The following WASF3 variants were observed in gnomAD, a reference collection of about 807,000 sequenced individuals.
WASF3 encodes the protein WASP family member 3.
Under a neutral mutation model 46.6 loss-of-function variants are expected in WASF3, and 11 were observed. The ratio of observed to expected loss-of-function variants is 0.24; its 90% CI spans 0.15 to 0.39. The LOEUF (loss-of-function observed/expected upper bound fraction) is 0.39. Ranked by LOEUF, WASF3 falls within the 10% of genes least tolerant of loss-of-function variation. WASF3 has a pLI of 1.00. For missense variants in WASF3, 576 were observed against 669.8 expected, an observed-to-expected ratio of 0.86 and a Z score of 1.55; for synonymous variants, 242 against 259.7, an observed-to-expected ratio of 0.93 and a Z score of 0.65.
chr13:26,575,226 C>T (rs1236136723), intron 1 of WASF3, among the ~76,000 whole-genome samples: 1 of 152,172 alleles, frequency 6.6e-6, no homozygotes, highest in Non-Finnish European at 1.5e-5. Context: ...ACGATACAAT[C>T]ACCTATGATT....
At chr13:26,685,037 A>G (rs1465671757) in intron 9 of WASF3, among the ~76,000 whole-genome samples, 1 of 151,388 alleles carries the variant, frequency 6.6e-6, no homozygotes, top group East Asian at 1.9e-4. Context: ...GCAGTGAGCC[A>G]TGATCGTAAC....
chr13:26,595,925 T>A (rs2137192033), intron 1 of WASF3, among the ~76,000 whole-genome samples: 1 of 152,370 alleles, frequency 6.6e-6, no homozygotes, highest in Non-Finnish European at 1.5e-5. Flanking sequence ...TCTGCTATTT[T>A]GCTATTATGA....
chr13:26,620,129 G>C (rs1026408299), intron 2 of WASF3, among the ~76,000 whole-genome samples: 3 of 152,066 alleles, frequency 2.0e-5, no homozygotes, highest in Non-Finnish European at 4.4e-5. Context: ...AGTTATGCTA[G>C]ATCTCCAAGG....
At chr13:26,597,883 G>C (rs1880523099) in intron 1 of WASF3, among the ~76,000 whole-genome samples, 1 of 152,170 alleles carries the variant, frequency 6.6e-6, no homozygotes, top group Non-Finnish European at 1.5e-5. Flanking sequence ...CATTTGGCCT[G>C]GTTCCAAGTC....
At chr13:26,669,206 C>CTTTTTTTTTTTTTTTTTTTT (rs71080286) in intron 5 of WASF3, among the ~76,000 whole-genome samples, 1 of 65,320 alleles carries the variant, frequency 1.5e-5, no homozygotes, top group Non-Finnish European at 2.8e-5. Context: ...ATATCTTTGA[C>CTTTTTTTTTTTTTTTTTTTT]TTTTTTTTTT....
At position 26,601,658 on chromosome 13, in the gene WASF3, A is replaced by T. The variant is rs142357873; in HGVS notation, c.-108-11303A>T. 9.5e-4 allele frequency among the ~76,000 whole-genome samples: 145 copies of T among 152,384 alleles called. 1 individual carries two copies. The highest frequency in any genetic ancestry group is 3.4e-3 in the African/African-American group (141 of 41,590). On this transcript the variant is annotated intron_variant, in intron 1 of 9. Transcript: ENST00000335327. ...TGAGGATTTCAAATATCAGAATATC[A>T]ACTGTTTGGAATATCTACATTCCTG...
At chr13:26,654,799 A>AT (rs1316207651) in intron 3 of WASF3, among the ~76,000 whole-genome samples, 1 of 152,078 alleles carries the variant, frequency 6.6e-6, no homozygotes, top group African/African-American at 2.4e-5. Flanking sequence ...ACTTTGGGCC[A>AT]TTTTTCCTAC....
intron 1 of WASF3, among the ~76,000 whole-genome samples, chr13:26,581,518 C>T (rs941567930): frequency 6.6e-6 from 1 of 151,722 alleles, no homozygotes; most frequent in African/African-American, 2.4e-5. Context: ...GATCTATTTC[C>T]CCACAGAAAT....
At chr13:26,572,258 G>A (rs964948582) in intron 1 of WASF3, among the ~76,000 whole-genome samples, 1 of 152,178 alleles carries the variant, frequency 6.6e-6, no homozygotes, top group African/African-American at 2.4e-5. Context: ...ATTCGTATCT[G>A]GTTCCTGACC....
intron 3 of WASF3, among the ~76,000 whole-genome samples, chr13:26,663,187 T>G (rs8000576): frequency 0.98 from 149,136 of 152,168 alleles, 73,152 homozygotes; most frequent in East Asian, 1. Context: ...GATGGTGGGT[T>G]CTTTTTAACA....
intron 1 of WASF3, among the ~76,000 whole-genome samples, chr13:26,596,993 A>G (rs1269524392): frequency 6.6e-6 from 1 of 152,148 alleles, no homozygotes; most frequent in Non-Finnish European, 1.5e-5. Context: ...TCACCTGCTC[A>G]TCTTTCTCAC....
At chr13:26,669,956 C>T (rs1012950401) in intron 5 of WASF3, among the ~76,000 whole-genome samples, 1 of 152,144 alleles carries the variant, frequency 6.6e-6, no homozygotes, top group Non-Finnish European at 1.5e-5. Flanking sequence ...GGTGATTCCT[C>T]AAGGATCTAG....
the WASF3 span, among the ~76,000 whole-genome samples, chr13:26,545,717 G>A: frequency 6.6e-6 from 1 of 152,102 alleles, no homozygotes; most frequent in Non-Finnish European, 1.5e-5. Context: ...GTATCCCCTT[G>A]CCTCAGCCTC....
chr13:26,615,946 G>A (rs551639726), intron 2 of WASF3, among the ~76,000 whole-genome samples: 9 of 152,302 alleles, frequency 5.9e-5, no homozygotes, highest in African/African-American at 2.2e-4. Context: ...TGTATCAGTA[G>A]TTCATTCCAT....
chr13:26,677,823 A>G (rs1883111001), intron 7 of WASF3, among the ~76,000 whole-genome samples: 2 of 152,216 alleles, frequency 1.3e-5, no homozygotes, highest in Non-Finnish European at 2.9e-5. Context: ...TATGAACTTA[A>G]TAGCTCCCAT....
Position 26,625,072 on chromosome 13 carries a change from G to T in WASF3, c.-11+12014G>T, listed in dbSNP as rs183344386. ...ATGAAGAGACCCTGAAATGGTAAAA[G>T]AGAATAAATATGTTATATTTTTTCT... On this transcript the variant is annotated intron_variant, in intron 2 of 9. Transcript: ENST00000335327. Among the ~76,000 whole-genome samples, 298 of 152,178 alleles carry T rather than the reference G, an allele frequency of 2.0e-3. 1 individual carries two copies. The highest frequency in any genetic ancestry group is 2.1e-3 in the Non-Finnish European group (140 of 68,000).
chr13:26,675,513 CACACACACACGT>C (rs1403397017), intron 6 of WASF3, among the ~76,000 whole-genome samples: 1 of 112,768 alleles, frequency 8.9e-6, no homozygotes, highest in Admixed American at 1.0e-4. Flanking sequence ...CACACACACA[CACACACACACGT>C]ATATATTTAA....
chr13:26,683,535 TA>T (rs1237292888), intron 9 of WASF3, among the ~76,000 whole-genome samples: 1 of 151,264 alleles, frequency 6.6e-6, no homozygotes, highest in African/African-American at 2.4e-5. Flanking sequence ...AGAAACCCAA[TA>T]ACTGAAGTGA....
intron 3 of WASF3, among the ~76,000 whole-genome samples, chr13:26,644,645 T>G (rs1188957711): frequency 6.6e-6 from 1 of 152,130 alleles, no homozygotes; most frequent in African/African-American, 2.4e-5. Context: ...AGTCAGATCC[T>G]TTCAGGAAGT....
Sources: allele counts gnomAD v4.1 joint callset (sites outside exome capture counted in the v4.1 genomes callset), GRCh38; gene constraint gnomAD v4.1.1; transcripts MANE v1.5; gene names NCBI Gene and HGNC (gene_info 2026-07-23, HGNC 2026-07-21).